INPP4B: variants seen among roughly 807,000 people sequenced by gnomAD.
INPP4B encodes the protein inositol polyphosphate 4-phosphatase type II.
Under a neutral mutation model 122.5 loss-of-function variants are expected in INPP4B, and 55 were observed. The ratio of observed to expected loss-of-function variants is 0.45; its 90% confidence interval spans 0.36 to 0.56. The LOEUF is 0.56. Ranked by LOEUF, INPP4B falls within the 20% of genes least tolerant of loss-of-function variation. INPP4B has a pLI of 0.00. For synonymous variants in INPP4B, 403 were observed against 388.7 expected, an observed-to-expected ratio of 1.04 and a Z score of -0.43; for missense variants, 1,000 against 1,097.7, an observed-to-expected ratio of 0.91 and a Z score of 1.26.
chr4:142,816,379 T>G (rs1780116628), intron 1 of INPP4B, among the ~76,000 whole-genome samples: 1 of 152,148 alleles, frequency 6.6e-6, no homozygotes, highest in East Asian at 1.9e-4. Flanking sequence ...AATGCCCTTT[T>G]GTTAAATATT....
At chr4:142,647,330 A>G (rs548735909) in intron 2 of INPP4B, among the ~76,000 whole-genome samples, 299 of 152,300 alleles carry the variant, frequency 2.0e-3, no homozygotes, top group African/African-American at 6.6e-3. Context: ...TAAAAATAAT[A>G]ATTTGGAAAT....
chr4:142,525,524 T>C (rs13127446), intron 2 of INPP4B, among the ~76,000 whole-genome samples: 55,098 of 58,488 alleles, frequency 0.94, 26,329 homozygotes, highest in Middle Eastern at 1. Context: ...CAGCATGGTA[T>C]TGGTACCAAA....
intron 2 of INPP4B, among the ~76,000 whole-genome samples, chr4:142,470,864 C>G (rs1818690028): frequency 1.3e-5 from 2 of 151,758 alleles, no homozygotes; most frequent in African/African-American, 4.8e-5. Context: ...CACAATATGA[C>G]CAAAGTAGGA....
intron 2 of INPP4B, among the ~76,000 whole-genome samples, chr4:142,522,194 T>G (rs9991893): frequency 0.25 from 38,281 of 152,050 alleles, 4,955 homozygotes; most frequent in East Asian, 0.42. Flanking sequence ...TGTTTATCAA[T>G]TTTTAAAGTT....
intron 25 of INPP4B, among the ~76,000 whole-genome samples, chr4:142,071,494 AT>A (rs1767289483): frequency 6.6e-6 from 1 of 152,208 alleles, no homozygotes; most frequent in Admixed American, 6.5e-5. Flanking sequence ...ATGGGATCTA[AT>A]TAAACTAAAG....
At chr4:142,443,095 T>C (rs1481475738) in intron 3 of INPP4B, among the ~76,000 whole-genome samples, 1 of 152,124 alleles carries the variant, frequency 6.6e-6, no homozygotes, top group Non-Finnish European at 1.5e-5. Flanking sequence ...CAAGGTAAGA[T>C]TTGGGTAGGG....
intron 9 of INPP4B, among the ~76,000 whole-genome samples, chr4:142,300,403 T>C (rs1760902112): frequency 6.6e-6 from 1 of 152,186 alleles, no homozygotes; most frequent in East Asian, 1.9e-4. Flanking sequence ...TGTTCTTTTA[T>C]TTACAGAAAC....
intron 2 of INPP4B, among the ~76,000 whole-genome samples, chr4:142,609,552 A>C (rs1728360676): frequency 6.6e-6 from 1 of 152,188 alleles, no homozygotes; most frequent in South Asian, 2.1e-4. Flanking sequence ...TTAAAACTTT[A>C]CTGATAGGTC....
chr4:142,428,994 C>T (rs754192957), intron 5 of INPP4B, among the ~76,000 whole-genome samples, 179 bp downstream of exon 5: 2 of 151,846 alleles, frequency 1.3e-5, no homozygotes, highest in Non-Finnish European at 2.9e-5. Context: ...CCTTGGGCAG[C>T]AAGTTAATTC....
At chr4:142,393,418 G>A (rs559746362) in intron 7 of INPP4B, among the ~76,000 whole-genome samples, 7 of 152,282 alleles carry the variant, frequency 4.6e-5, no homozygotes, top group African/African-American at 1.7e-4. Flanking sequence ...CCTGTAAACA[G>A]GATGTTTCAG....
chr4:142,432,396 A>G (rs934188568), intron 3 of INPP4B, among the ~76,000 whole-genome samples: 2 of 152,076 alleles, frequency 1.3e-5, no homozygotes, highest in East Asian at 3.8e-4. Flanking sequence ...GGCAGAAATT[A>G]AATTCAAAAC....
chr4:142,274,488 C>T (rs1186003169), intron 9 of INPP4B, among the ~76,000 whole-genome samples: 1 of 149,734 alleles, frequency 6.7e-6, no homozygotes, highest in Non-Finnish European at 1.5e-5. Context: ...CTCTTCCTCA[C>T]TCTACACCTT....
chr4:142,117,100 A>G (rs1044665338), intron 21 of INPP4B, among the ~76,000 whole-genome samples: 4 of 152,164 alleles, frequency 2.6e-5, no homozygotes, highest in African/African-American at 9.7e-5. Flanking sequence ...TACCCTCCCA[A>G]GACTAAACGA....
At chr4:142,688,482 T>C (rs1208007493) in intron 2 of INPP4B, among the ~76,000 whole-genome samples, 59 of 152,136 alleles carry the variant, frequency 3.9e-4, no homozygotes, top group Admixed American at 3.7e-3. Context: ...TCCCATATCC[T>C]TTCCTGTCTC....
At chr4:142,085,726 C>T (rs901549825) in intron 24 of INPP4B, among the ~76,000 whole-genome samples, 7 of 152,178 alleles carry the variant, frequency 4.6e-5, no homozygotes, top group African/African-American at 1.7e-4. Flanking sequence ...AGCTCATTAA[C>T]TGAACAATAT....
rs115022665 is a variant in INPP4B, at chr4:142,348,059, C to T, written c.373-33297G>A. On this transcript the variant is annotated intron_variant, in intron 7 of 25. Transcript: ENST00000262992. The stretch of plus-strand genomic sequence containing the variant: ...TTATGTGACTGCATAAACATCACCA[C>T]ATTTTGACAAAATCACCACCATCAA... Among the ~76,000 whole-genome samples the T allele has an allele frequency of 3.4e-3, 510 of 152,190 alleles. 5 individuals carry two copies. The highest frequency in any genetic ancestry group is 0.012 in the African/African-American group (487 of 41,560).
At chr4:142,440,861 G>A (rs1580069830) in intron 3 of INPP4B, among the ~76,000 whole-genome samples, 1 of 152,094 alleles carries the variant, frequency 6.6e-6, no homozygotes, top group Non-Finnish European at 1.5e-5. Flanking sequence ...TACCTATTTT[G>A]GCCCCTGTGG....
intron 5 of INPP4B, among the ~76,000 whole-genome samples, chr4:142,424,721 G>A (rs1014462386): frequency 4.0e-5 from 6 of 151,814 alleles, no homozygotes; most frequent in Non-Finnish European, 8.8e-5. Context: ...TCTGAGTTGG[G>A]GATGAAATAC....
At chr4:142,064,780 TA>T (rs1425207088) in intron 25 of INPP4B, among the ~76,000 whole-genome samples, 2 of 152,150 alleles carry the variant, frequency 1.3e-5, no homozygotes, top group African/African-American at 4.8e-5. Context: ...GTTATAAAAT[TA>T]AATTATGAAA....
Sources: gnomAD v4.1 joint callset for allele counts (sites outside exome capture counted in the v4.1 genomes callset) on GRCh38, gnomAD v4.1.1 for gene constraint, MANE v1.5 for transcripts, NCBI Gene and HGNC (gene_info 2026-07-23, HGNC 2026-07-21) for gene names.